CPLANE1: variants seen among roughly 807,000 people sequenced by gnomAD.
The protein encoded by CPLANE1 is ciliogenesis and planar polarity effector complex subunit 1.
In CPLANE1, 263 loss-of-function variants were observed where a neutral mutation model predicts 362.5. The ratio of observed to expected loss-of-function variants is 0.73; its 90% CI spans 0.66 to 0.80. CPLANE1 has a LOEUF of 0.80. Ranked by LOEUF, CPLANE1 falls within the 30% of genes least tolerant of loss-of-function variation. The pLI is 0.00. For synonymous variants in CPLANE1, 1,212 were observed against 1,302.6 expected, an observed-to-expected ratio of 0.93 and a Z score of 1.50; for missense variants, 3,461 against 3,793.4, an observed-to-expected ratio of 0.91 and a Z score of 2.30.
At chr5:37,086,327 A>G in the CPLANE1 span, among the ~76,000 whole-genome samples, 1 of 152,390 alleles carries the variant, frequency 6.6e-6, no homozygotes, top group African/African-American at 2.4e-5. Context: ...AATAAATTTA[A>G]GAAAATTGAA....
intron 8 of CPLANE1, among the ~76,000 whole-genome samples, chr5:37,232,727 T>C (rs1189732758): frequency 6.6e-6 from 1 of 150,546 alleles, no homozygotes; most frequent in Admixed American, 6.6e-5. Context: ...TCCCAGCTAC[T>C]TGGGAAGTTG....
Position 37,153,883 on chromosome 5 carries a change from G to C in CPLANE1, c.8230C>G (p.Pro2744Ala). The C allele has an allele frequency of 6.2e-7, 1 of 1,614,114 alleles. No individual in the cohort carries two copies. The highest frequency in any genetic ancestry group is 1.3e-5 in the African/African-American group (1 of 75,022). The change falls in exon 42 of 53, where the codon CCA becomes GCA. Residue 2744 changes from proline (P) to alanine (A), a missense_variant. Pro to Ala is a conservative substitution (Grantham distance 27). Transcript: ENST00000651892. ...LQGVSAACPAPSSAAHQLEHL... is the reference protein window; with the variant it reads ...LQGVSAACPAASSAAHQLEHL... ...TCTAGTTGGTGAGCTGCAGAGCTTG[G>C]TGCAGGGCAAGCTGCAGAGACACCT...
At chr5:37,138,901 T>C in intron 45 of CPLANE1, 53 bp from the exon 46 acceptor site, 1 of 1,468,632 alleles carries the variant, frequency 6.8e-7, no homozygotes, top group East Asian at 2.3e-5. Flanking sequence ...ACAACTTAAT[T>C]ACATTAAGCA....
Position 37,206,367 on chromosome 5 carries a change from A to T in CPLANE1, c.2979T>A (p.Asp993Glu). ...CTGTCCACACATTAGAGAGATTCTG[A>T]TCTCTAACAACACTGGCCACCTTAG... ...QHSKVASVVR[D>E]QNLSNVWTVE... The change falls in exon 17 of 53, where the codon GAT becomes GAA. Residue 993 changes from aspartate to glutamate, a missense_variant. Physicochemically the swap from Asp to Glu is conservative, Grantham distance 45. This residue lies in a region of CPLANE1 where 3,380 missense variants were observed against 3,666.1 expected (regional missense o/e 0.92). Coordinates refer to ENST00000651892, the MANE Select transcript of CPLANE1 (RefSeq NM_001384732.1). 6.4e-7 allele frequency: 1 copy of T among 1,551,682 alleles called. No homozygotes were observed. The highest frequency in any genetic ancestry group is 8.7e-7 in the Non-Finnish European group (1 of 1,146,902).
In CPLANE1 at chr5:37,170,326, T is replaced by C. The variant is rs746463565; in HGVS notation, c.6177A>G (p.Gln2059=). The C allele has an allele frequency of 5.6e-6, 9 of 1,606,376 alleles. No individual in the cohort carries two copies. The East Asian group carries it at 1.6e-4, about 28-fold the overall frequency. ...GCATTAGGCTCATGAAGTTGATCTGTTGCAGCTTGAATAAAACAAAAATTG... is the reference window on the plus strand; with the variant it reads ...GCATTAGGCTCATGAAGTTGATCTGCTGCAGCTTGAATAAAACAAAAATTG... ...QDEMFKLVQL[Q]QINFMSLMQI... Residue 2059 remains glutamine (Q), a synonymous_variant, in exon 33 of 53, where the codon CAA becomes CAG. Transcript: ENST00000651892.
Position 37,142,290 on chromosome 5 carries a change from G to A in CPLANE1, c.8632+20C>T. 1 of 1,509,520 alleles carries A rather than the reference G, an allele frequency of 6.6e-7. No homozygotes were observed. The highest frequency in any genetic ancestry group is 8.8e-7 in the Non-Finnish European group (1 of 1,132,582). 93.5% of individuals were successfully genotyped at this position (1,509,520 alleles called of 1,614,324 possible). A position where few individuals can be genotyped will look rare whatever the true frequency, so the allele number is the denominator to read the frequency against. ...ATGGAGAATAAGAGTATGTGTAAATGAAAAAGTAAAGAACAATACCAGGAG... is the reference window on the plus strand; with the variant it reads ...ATGGAGAATAAGAGTATGTGTAAATAAAAAAGTAAAGAACAATACCAGGAG... On this transcript the variant is annotated intron_variant, in intron 44 of 52. Coordinates refer to ENST00000651892, the MANE Select transcript of CPLANE1 (RefSeq NM_001384732.1).
the CPLANE1 span, chr5:37,085,407 G>T: frequency 8.9e-7 from 1 of 1,129,298 alleles, no homozygotes; most frequent in South Asian, 1.2e-5. Flanking sequence ...ACCCGAGGAG[G>T]CTAAGTACAA....
chr5:37,138,310 A>G (rs1768440882), intron 46 of CPLANE1, among the ~76,000 whole-genome samples: 1 of 152,072 alleles, frequency 6.6e-6, no homozygotes, highest in South Asian at 2.1e-4. Flanking sequence ...GTCCTTTTTT[A>G]CTGCTGCTGG....
intron 42 of CPLANE1, among the ~76,000 whole-genome samples, chr5:37,150,463 C>T (rs562729610): frequency 6.6e-6 from 1 of 152,124 alleles, no homozygotes. Flanking sequence ...CTCACAGCAC[C>T]TCAAATTTAT....
At chr5:37,196,548 T>C (rs1031280150) in intron 20 of CPLANE1, among the ~76,000 whole-genome samples, 2 of 152,172 alleles carry the variant, frequency 1.3e-5, no homozygotes, top group African/African-American at 4.8e-5. Context: ...AAACTCAATC[T>C]CCTCATCCCT....
chr5:37,161,489 T>C (rs1776841067), intron 38 of CPLANE1, among the ~76,000 whole-genome samples: 1 of 152,206 alleles, frequency 6.6e-6, no homozygotes, highest in African/African-American at 2.4e-5. Flanking sequence ...ACATTAGAGA[T>C]GAATTGCCGT....
intron 40 of CPLANE1, 33 bp from the exon 41 acceptor site, chr5:37,157,453 T>A: frequency 1.4e-6 from 2 of 1,449,598 alleles, no homozygotes; most frequent in Non-Finnish European, 1.9e-6. Context: ...CATAGAGGAA[T>A]TGGCTGATTC....
At chr5:37,188,173 T>C (rs1784546259) in intron 21 of CPLANE1, among the ~76,000 whole-genome samples, 1 of 152,228 alleles carries the variant, frequency 6.6e-6, no homozygotes, top group African/African-American at 2.4e-5. Flanking sequence ...CAACTAGCTT[T>C]TTTTTCACCT....
intron 20 of CPLANE1, among the ~76,000 whole-genome samples, chr5:37,196,367 T>A (rs1355604386): frequency 1.3e-5 from 2 of 152,020 alleles, no homozygotes; most frequent in African/African-American, 2.4e-5. Flanking sequence ...TACAAAAAAA[T>A]TATGCCTACA....
chr5:37,245,845 C>G lies in CPLANE1; in HGVS notation c.82G>C (p.Glu28Gln). The G allele has an allele frequency of 6.6e-7, 1 of 1,510,452 alleles. No homozygotes were observed. The highest frequency in any genetic ancestry group is 8.8e-7 in the Non-Finnish European group (1 of 1,132,582). The allele number at this position is 1,510,452 out of a possible 1,614,324, so 93.6% of individuals were successfully genotyped here. ...TCCAAAAGAAAAACGGCTTCTTTTTCCTAAGAGAAGAAACATGTGAAGGAC... is the reference window on the plus strand; with the variant it reads ...TCCAAAAGAAAAACGGCTTCTTTTTGCTAAGAGAAGAAACATGTGAAGGAC... ...PWPRVSWLGK[E>Q]KEAVFLLDDK... Residue 28 changes from glutamate (E) to glutamine (Q), a missense_variant and splice_region_variant, in exon 3 of 53, where the codon GAA becomes CAA. This residue lies in a region of CPLANE1 where 3,380 missense variants were observed against 3,666.1 expected (regional missense o/e 0.92). Transcript: ENST00000651892.
intron 12 of CPLANE1, among the ~76,000 whole-genome samples, chr5:37,225,039 C>A (rs1336299221): frequency 6.6e-6 from 1 of 151,618 alleles, no homozygotes; most frequent in Non-Finnish European, 1.5e-5. Flanking sequence ...CCTACCTCAG[C>A]CTCCCGAACA....
chr5:37,207,767 T>G (rs1285004318), intron 16 of CPLANE1, among the ~76,000 whole-genome samples: 3 of 152,336 alleles, frequency 2.0e-5, no homozygotes, highest in African/African-American at 4.8e-5. Context: ...TACATACATA[T>G]GTATCTGTTC....
chr5:37,241,881 C>T (rs772561741), intron 6 of CPLANE1, among the ~76,000 whole-genome samples: 15 of 152,130 alleles, frequency 9.9e-5, no homozygotes, highest in African/African-American at 3.4e-4. Flanking sequence ...CCTCCTGCCT[C>T]GGCCTCCCAG....
At chr5:37,155,844 A>G (rs1025837845) in intron 41 of CPLANE1, among the ~76,000 whole-genome samples, 10 of 152,252 alleles carry the variant, frequency 6.6e-5, no homozygotes, top group African/African-American at 1.9e-4. Flanking sequence ...ATTAAATGAC[A>G]GAGCTGGGAT....
Sources: allele counts gnomAD v4.1 joint callset (sites outside exome capture counted in the v4.1 genomes callset), GRCh38; gene constraint gnomAD v4.1.1; regional missense constraint gnomAD v4.1.1; transcripts MANE v1.5; gene names NCBI Gene and HGNC (gene_info 2026-07-23, HGNC 2026-07-21).